The following PBRM1 variants were observed in gnomAD, a reference collection of about 807,000 sequenced individuals.
PBRM1 encodes protein polybromo-1.
PBRM1 carries 27 observed loss-of-function variants against 194.5 expected under a neutral mutation model. The observed-to-expected ratio is 0.14, with a 90% CI of 0.10 to 0.19. The LOEUF is 0.19. PBRM1 is among the 10% of genes least tolerant of loss of function. PBRM1 has a pLI of 1.00. For synonymous variants in PBRM1, 655 were observed against 693.2 expected, an observed-to-expected ratio of 0.94 and a Z score of 0.87; for missense variants, 1,466 against 2,077.2, an observed-to-expected ratio of 0.71 and a Z score of 5.72.
intron 13 of PBRM1, among the ~76,000 whole-genome samples, chr3:52,618,227 G>T (rs761293421): frequency 2.0e-5 from 3 of 152,092 alleles, no homozygotes; most frequent in South Asian, 4.1e-4. Flanking sequence ...GCATGAATCC[G>T]TCTTGTTCTC....
rs181169016 is a variant in PBRM1, at chr3:52,548,333, T to C, written c.4898-98A>G. On this transcript the variant is annotated intron_variant, in intron 29 of 29. Coordinates refer to ENST00000296302, the Ensembl canonical transcript of PBRM1. ...GACGAACTTATTAAAACACAAAACA[T>C]TGAATATTTATTAAATATTATGAAT... 628 of 706,448 alleles carry C rather than the reference T, an allele frequency of 8.9e-4. 3 individuals are homozygous for C. In the Admixed American group the frequency reaches 0.011, roughly 12 times the overall value. The allele number at this position is 706,448 out of a possible 1,614,324, so 43.8% of individuals were successfully genotyped here.
Position 52,676,688 on chromosome 3 carries a change from C to T in PBRM1, c.236+1812G>A, listed in dbSNP as rs559806239. 7.2e-5 allele frequency among the ~76,000 whole-genome samples: 11 copies of T among 152,286 alleles called. No individual in the cohort carries two copies. The East Asian group carries it at 2.1e-3, about 29-fold the overall frequency. Reference sequence around the variant, plus strand: ...TGGAAGCGACTTTGGAACTGGATAACAGGCAGAGGATGCAACAGTTTGGAG... The same window carrying T: ...TGGAAGCGACTTTGGAACTGGATAATAGGCAGAGGATGCAACAGTTTGGAG... On this transcript the variant is annotated intron_variant, in intron 2 of 29. Coordinates refer to ENST00000296302, the Ensembl canonical transcript of PBRM1.
intron 10 of PBRM1, among the ~76,000 whole-genome samples, chr3:52,639,345 T>C (rs1349292206): frequency 6.6e-6 from 1 of 152,222 alleles, no homozygotes; most frequent in Non-Finnish European, 1.5e-5. Context: ...TTATGCCTTT[T>C]TGACAATCTC....
At chr3:52,615,376 G>T in exon 15 of PBRM1, 1 of 1,609,586 alleles carries the variant, frequency 6.2e-7, no homozygotes, top group Non-Finnish European at 8.5e-7. Context: ...GAGAAGCCAT[G>T]TCATCATCAT....
At chr3:52,666,650 G>A (rs993753079) in intron 3 of PBRM1, among the ~76,000 whole-genome samples, 2 of 152,188 alleles carry the variant, frequency 1.3e-5, no homozygotes, top group Non-Finnish European at 2.9e-5. Context: ...CCAGCACTTG[G>A]GAGACCGAGG....
intron 8 of PBRM1, among the ~76,000 whole-genome samples, chr3:52,643,864 T>C (rs1330669652): frequency 6.6e-6 from 1 of 151,794 alleles, no homozygotes; most frequent in African/African-American, 2.4e-5. Context: ...CCCAGCTACT[T>C]GGGAGGCTAA....
chr3:52,596,466 A>AAAAAAAAAAAAAAAG, intron 17 of PBRM1, among the ~76,000 whole-genome samples: 1 of 119,854 alleles, frequency 8.3e-6, no homozygotes, highest in African/African-American at 3.0e-5. Context: ...AAAAAAAAAA[A>AAAAAAAAAAAAAAAG]AAAAAAAAAA....
At chr3:52,635,957 G>C (rs1028917172) in intron 10 of PBRM1, among the ~76,000 whole-genome samples, 1 of 152,142 alleles carries the variant, frequency 6.6e-6, no homozygotes, top group Non-Finnish European at 1.5e-5. Flanking sequence ...TCCGCCTCCT[G>C]AGTTCAAATG....
intron 17 of PBRM1, among the ~76,000 whole-genome samples, chr3:52,591,518 T>G (rs1431583149): frequency 2.2e-5 from 3 of 135,256 alleles, no homozygotes; most frequent in Admixed American, 2.2e-4. Flanking sequence ...TTTGTTTTTT[T>G]TTTTTTTTTT....
chr3:52,644,853 A>T (rs2153733696), intron 7 of PBRM1, 64 bp from the exon 9 acceptor site: 1 of 733,094 alleles, frequency 1.4e-6, no homozygotes, highest in Non-Finnish European at 2.3e-6. Context: ...AATGCCCCCA[A>T]CTCATGCAAT....
At chr3:52,675,669 A>C (rs1039662756) in intron 2 of PBRM1, among the ~76,000 whole-genome samples, 1 of 152,208 alleles carries the variant, frequency 6.6e-6, no homozygotes, top group African/African-American at 2.4e-5. Context: ...GTATAAAAAC[A>C]GACACAGGGA....
chr3:52,547,808 C>G, downstream of PBRM1: 1 of 369,672 alleles, frequency 2.7e-6, no homozygotes, highest in East Asian at 4.9e-5. Context: ...CATATACAAC[C>G]AATTATGAAA....
chr3:52,587,331 T>C (rs1350268933), intron 19 of PBRM1, 22 bp downstream of exon 21: 5 of 1,545,604 alleles, frequency 3.2e-6, no homozygotes, highest in African/African-American at 1.4e-5. Context: ...AGTGAGACTT[T>C]GGGATTTAAT....
At chr3:52,672,713 C>G (rs2096978145) in intron 2 of PBRM1, among the ~76,000 whole-genome samples, 1 of 151,852 alleles carries the variant, frequency 6.6e-6, no homozygotes, top group South Asian at 2.1e-4. Flanking sequence ...AGGCTGGTCT[C>G]GAACTCCTGC....
intron 22 of PBRM1, among the ~76,000 whole-genome samples, chr3:52,573,083 A>G (rs1432733002): frequency 6.6e-6 from 1 of 152,130 alleles, no homozygotes; most frequent in East Asian, 1.9e-4. Context: ...ACCTCCTTTA[A>G]TTCTCAAAAG....
Position 52,609,348 on chromosome 3 carries a change from C to A in PBRM1, c.2532G>T (p.Met844Ile). 6.2e-7 allele frequency: 1 copy of A among 1,613,866 alleles called. No individual in the cohort carries two copies. Among genetic ancestry groups the A allele is most frequent in the Non-Finnish European group, 8.5e-7 (1 of 1,179,796 alleles). The stretch of plus-strand genomic sequence containing the variant: ...TTCTTGCTCGTTCCAATACTTCAAA[C>A]ATATGCTCTTGAAATAAATCAAGCC... Residue 844 changes from methionine to isoleucine, a missense_variant, in exon 16 of 30, where the codon ATG (methionine) becomes ATT (isoleucine). By Grantham distance (10) the Met-to-Ile change is conservative. This residue lies in a region of PBRM1 where 687 missense variants were observed against 946.2 expected (regional missense o/e 0.73). Transcript: ENST00000296302. The surrounding 1 kb of genome is among the most constrained non-coding windows in gnomAD (Gnocchi z 4.1).
intron 6 of PBRM1, among the ~76,000 whole-genome samples, chr3:52,648,902 T>C (rs2096404776): frequency 6.6e-6 from 1 of 152,178 alleles, no homozygotes; most frequent in African/African-American, 2.4e-5. Context: ...ACCTACTGTG[T>C]GCTAGAGCTG....
intron 10 of PBRM1, among the ~76,000 whole-genome samples, chr3:52,636,793 A>G (rs2095837783): frequency 6.9e-6 from 1 of 144,670 alleles, no homozygotes; most frequent in Admixed American, 6.9e-5. Flanking sequence ...AAAAGAATTT[A>G]ATTAGGCCAG....
chr3:52,658,323 T>G lies in PBRM1; in HGVS notation c.529-8A>C, dbSNP rs747953120. ...CAAGTAAGCTGGAGAAGACTGGTAATGTGGAGAAAAAAGTACTTTCTAAGA... is the reference window on the plus strand; with the variant it reads ...CAAGTAAGCTGGAGAAGACTGGTAAGGTGGAGAAAAAAGTACTTTCTAAGA... On this transcript the variant is annotated splice_region_variant and splice_polypyrimidine_tract_variant and intron_variant, in intron 4 of 29. Coordinates refer to ENST00000296302, the Ensembl canonical transcript of PBRM1. 13 of 1,481,656 alleles carry G rather than the reference T, an allele frequency of 8.8e-6. No individual in the cohort carries two copies. The highest frequency in any genetic ancestry group is 1.2e-5 in the Non-Finnish European group (13 of 1,061,640). The allele number at this position is 1,481,656 out of a possible 1,614,324, so 91.8% of individuals were successfully genotyped here. A position where few individuals can be genotyped will look rare whatever the true frequency, so the allele number is the denominator to read the frequency against.
Sources: allele counts gnomAD v4.1 joint callset (sites outside exome capture counted in the v4.1 genomes callset), GRCh38; gene constraint gnomAD v4.1.1; regional missense constraint gnomAD v4.1.1; non-coding constraint Gnocchi (gnomAD v3.1); transcripts MANE v1.5; gene names NCBI Gene and HGNC (gene_info 2026-07-23, HGNC 2026-07-21).